CCDC102B: variants seen among roughly 807,000 people sequenced by gnomAD.
CCDC102B encodes coiled-coil domain containing 102B.
CCDC102B carries 75 observed loss-of-function variants against 57.4 expected under a neutral mutation model. The ratio of observed to expected loss-of-function variants is 1.31; its 90% confidence interval spans 1.08 to 1.58. The LOEUF (loss-of-function observed/expected upper bound fraction) is 1.58, where lower values mean the gene tolerates loss of function less well. Ranked by LOEUF, CCDC102B falls within the 40% of genes most tolerant of loss-of-function variation. The pLI, the probability that CCDC102B is intolerant of heterozygous loss-of-function variation, is 0.00. For missense variants in CCDC102B, 636 were observed against 582.6 expected (o/e 1.09, Z -0.94); for synonymous variants, 206 against 201.9 (o/e 1.02, Z -0.17).
intron 7 of CCDC102B, among the ~76,000 whole-genome samples, chr18:69,016,164 A>G (rs909359810): frequency 6.6e-6 from 1 of 151,404 alleles, no homozygotes; most frequent in Non-Finnish European, 1.5e-5. Flanking sequence ...CGCCCGGCCA[A>G]TTTAATTGTT....
intron 7 of CCDC102B, among the ~76,000 whole-genome samples, chr18:69,053,334 A>G (rs1212243664): frequency 6.6e-6 from 1 of 151,326 alleles, no homozygotes; most frequent in East Asian, 1.9e-4. Context: ...ATATATATAT[A>G]TATACACTTA....
chr18:68,895,444 T>C (rs897506653), intron 5 of CCDC102B, among the ~76,000 whole-genome samples: 9 of 151,806 alleles, frequency 5.9e-5, no homozygotes, highest in African/African-American at 1.9e-4. Context: ...ATGTAACATT[T>C]TTCTAAATGT....
chr18:68,811,977 T>G (rs1172212505), intron 1 of CCDC102B, among the ~76,000 whole-genome samples: 1 of 152,126 alleles, frequency 6.6e-6, no homozygotes, highest in Non-Finnish European at 1.5e-5. Context: ...AAATTATCAA[T>G]CTGGAAAAAA....
intron 2 of CCDC102B, among the ~76,000 whole-genome samples, chr18:68,788,015 T>G (rs2035276328): frequency 6.6e-6 from 1 of 150,992 alleles, no homozygotes; most frequent in African/African-American, 2.4e-5. Context: ...TCCCAGAGAT[T>G]CTGGTATGTT....
chr18:68,776,397 A>T (rs1254713904), intron 2 of CCDC102B, among the ~76,000 whole-genome samples: 2 of 152,226 alleles, frequency 1.3e-5, no homozygotes, highest in African/African-American at 4.8e-5. Flanking sequence ...CACAATAACA[A>T]AGACACGGAA....
At chr18:68,975,246 T>A (rs2050404554) in intron 6 of CCDC102B, among the ~76,000 whole-genome samples, 1 of 152,086 alleles carries the variant, frequency 6.6e-6, no homozygotes, top group Admixed American at 6.6e-5. Context: ...TTTTGCCTCT[T>A]TATGGCTAAA....
At chr18:68,737,756 C>G (rs1192578327) in intron 2 of CCDC102B, among the ~76,000 whole-genome samples, 2 of 152,038 alleles carry the variant, frequency 1.3e-5, no homozygotes, top group African/African-American at 4.8e-5. Context: ...ATTGCTCCTG[C>G]TAATAGAGCA....
At chr18:69,021,396 A>T (rs1012394194) in intron 7 of CCDC102B, among the ~76,000 whole-genome samples, 8 of 152,216 alleles carry the variant, frequency 5.3e-5, no homozygotes, top group African/African-American at 1.9e-4. Context: ...CTGCAGGTTC[A>T]CATGGGGACA....
intron 2 of CCDC102B, among the ~76,000 whole-genome samples, chr18:68,778,471 C>T (rs1315222041): frequency 2.6e-5 from 4 of 151,966 alleles, no homozygotes; most frequent in South Asian, 2.1e-4. Flanking sequence ...TTTAGTTTGC[C>T]GTCTCAGCAG....
intron 2 of CCDC102B, among the ~76,000 whole-genome samples, chr18:68,783,196 A>C (rs1374346549): frequency 1.3e-5 from 2 of 152,112 alleles, no homozygotes; most frequent in Admixed American, 6.5e-5. Context: ...GTGGGTGGAG[A>C]GCAGGTAATC....
chr18:69,035,762 C>T (rs1380570030), intron 7 of CCDC102B, among the ~76,000 whole-genome samples: 1 of 151,966 alleles, frequency 6.6e-6, no homozygotes, highest in Admixed American at 6.6e-5. Flanking sequence ...AATATCTGGG[C>T]AAAATTTACT....
chr18:68,725,191 G>T (rs2032538778), intron 2 of CCDC102B, among the ~76,000 whole-genome samples: 1 of 152,126 alleles, frequency 6.6e-6, no homozygotes, highest in African/African-American at 2.4e-5. Context: ...TTGACATATG[G>T]GGATTATAAT....
intron 2 of CCDC102B, among the ~76,000 whole-genome samples, chr18:68,780,633 C>A (rs1386090750): frequency 1.3e-5 from 2 of 151,918 alleles, no homozygotes; most frequent in Non-Finnish European, 2.9e-5. Flanking sequence ...AAGGTAGTAT[C>A]TCCTTGTTGC....
At chr18:68,747,566 A>G (rs1283102137) in intron 2 of CCDC102B, among the ~76,000 whole-genome samples, 3 of 151,896 alleles carry the variant, frequency 2.0e-5, no homozygotes, top group African/African-American at 7.3e-5. Flanking sequence ...TCTATTCTCT[A>G]TTTCTATGAG....
intron 6 of CCDC102B, among the ~76,000 whole-genome samples, chr18:68,979,127 C>T (rs958648343): frequency 1.6e-4 from 25 of 152,048 alleles, no homozygotes; most frequent in African/African-American, 4.8e-4. Context: ...GAGGTGGGTC[C>T]GCAGGGCTGT....
chr18:69,049,984 A>G (rs2052664707), intron 7 of CCDC102B, among the ~76,000 whole-genome samples: 1 of 151,936 alleles, frequency 6.6e-6, no homozygotes, highest in Non-Finnish European at 1.5e-5. Flanking sequence ...TAATTTTTGT[A>G]TTTTTAGTAG....
intron 1 of CCDC102B, among the ~76,000 whole-genome samples, chr18:68,816,098 T>C (rs999168559): frequency 1.3e-4 from 20 of 152,214 alleles, no homozygotes; most frequent in African/African-American, 2.4e-5. Context: ...TGGAATAAAT[T>C]GTTAAAAGAA....
chr18:68,725,263 A>G (rs2032541723), intron 2 of CCDC102B, among the ~76,000 whole-genome samples: 1 of 152,218 alleles, frequency 6.6e-6, no homozygotes, highest in South Asian at 2.1e-4. Flanking sequence ...TGTCACTGCA[A>G]AATACCTGCT....
intron 4 of CCDC102B, among the ~76,000 whole-genome samples, chr18:68,848,779 T>A (rs1405565550): frequency 6.6e-6 from 1 of 152,078 alleles, no homozygotes; most frequent in African/African-American, 2.4e-5. Context: ...CAAACATTCA[T>A]GTAGGTAACA....
Sources: allele counts gnomAD v4.1 joint callset (sites outside exome capture counted in the v4.1 genomes callset), GRCh38; gene constraint gnomAD v4.1.1; transcripts MANE v1.5; gene names NCBI Gene and HGNC (gene_info 2026-07-23, HGNC 2026-07-21).